KANK3: variants seen among roughly 807,000 people sequenced by gnomAD.
KANK3 encodes KN motif and ankyrin repeat domains 3, also known as KN motif and ankyrin repeat domain-containing protein 3.
A neutral mutation model predicts 65.4 loss-of-function variants in KANK3; 61 were observed. The ratio of observed to expected loss-of-function variants is 0.93; its 90% confidence interval spans 0.76 to 1.15. The LOEUF (loss-of-function observed/expected upper bound fraction) is 1.15, where lower values mean the gene tolerates loss of function less well. Ranked by LOEUF, KANK3 falls within the 50% of genes most tolerant of loss-of-function variation. The pLI, the probability that KANK3 is intolerant of heterozygous loss-of-function variation, is 0.00. For missense variants in KANK3, 1,187 were observed against 1,178.8 expected (o/e 1.01, Z -0.10); for synonymous variants, 586 against 543.3 (o/e 1.08, Z -1.09).
Position 8,324,958 on chromosome 19 carries a change from G to C in KANK3, c.2075C>G (p.Ala692Gly). 1 of 1,613,608 alleles carries C rather than the reference G, an allele frequency of 6.2e-7. No individual in the cohort carries two copies. Among genetic ancestry groups the C allele is most frequent in the South Asian group, 1.1e-5 (1 of 91,072 alleles). Residue 692 changes from alanine to glycine, a missense_variant, in exon 8 of 11, where the codon GCC (alanine) becomes GGC (glycine). Ala to Gly is a moderately conservative substitution (Grantham distance 60). Transcript: ENST00000330915. ...LFCMGDVNAK[A>G]SQTGQTALML... Reference sequence around the variant, plus strand: ...GTGGGGGCGCCCACGCACCTGACTGGCCTTGGCATTGACATCACCCATGCA... The same window carrying C: ...GTGGGGGCGCCCACGCACCTGACTGCCCTTGGCATTGACATCACCCATGCA...
At chr19:8,326,354 G>A (rs1488379280) in intron 7 of KANK3, among the ~76,000 whole-genome samples, 1 of 151,798 alleles carries the variant, frequency 6.6e-6, no homozygotes, top group Non-Finnish European at 1.5e-5. Flanking sequence ...ACTTGAACCT[G>A]GGAGCTGCAG....
chr19:8,337,838 A>G lies in KANK3; in HGVS notation c.-10T>C, dbSNP rs750219380. ...GGGCAAACTTGGCCATGTTTCCTGC[A>G]GCAGCTGTCAGAGGCACCCTGCAAA... On this transcript the variant is annotated 5_prime_UTR_variant, in exon 2 of 11. Transcript: ENST00000330915. 7.4e-6 allele frequency: 12 copies of G among 1,613,362 alleles called. No individual in the cohort carries two copies. The African/African-American group carries it at 1.6e-4, about 22-fold the overall frequency.
At position 8,333,018 on chromosome 19, in the gene KANK3, A is replaced by G; in HGVS notation, c.1932T>C (p.Asp644=). ...GNLAIASLLL[D]TGACEVNRQN... ...CCACCCTCCCTTGGCTCTGACCCGT[A>G]TCCAGGAGCAGGCTTGCGATGGCCA... is the stretch of plus-strand genomic sequence containing the variant. The change falls in exon 7 of 11, where the codon GAT becomes GAC. Residue 644 remains aspartate (D), a synonymous_variant. Transcript: ENST00000330915. This position sits in a 1 kb window ranked among gnomAD's most constrained non-coding sequence, Gnocchi z 5.0. 2.4e-6 allele frequency: 2 copies of G among 831,402 alleles called. No homozygotes were observed. The highest frequency in any genetic ancestry group is 3.5e-6 in the Non-Finnish European group (2 of 567,298). 51.5% of individuals were successfully genotyped at this position (831,402 alleles called of 1,614,324 possible).
In KANK3 at chr19:8,333,859, CAGG is replaced by C. The variant is rs761324837; in HGVS notation, c.1634+48_1634+50del. 10 of 1,549,706 alleles carry C rather than the reference CAGG, an allele frequency of 6.5e-6. No homozygotes were observed. The South Asian group carries it at 9.5e-5, about 15-fold the overall frequency. ...AGGATGGATCGGGGACAGCGCCGAC[CAGG>C]AGGAGGGCAGCCGCCTCCTCTCCAA... is the stretch of plus-strand genomic sequence containing the variant. On this transcript the variant is annotated intron_variant, in intron 5 of 10. Coordinates refer to ENST00000330915, the MANE Select transcript of KANK3 (RefSeq NM_198471.3). The surrounding 1 kb of genome is among the most constrained non-coding windows in gnomAD (Gnocchi z 5.0).
At chr19:8,332,987 TCCCA>T in intron 7 of KANK3, 23 bp downstream of exon 7, 3 of 395,188 alleles carry the variant, frequency 7.6e-6, no homozygotes, top group Non-Finnish European at 1.4e-5. Flanking sequence ...TTTCCTGGTG[TCCCA>T]CCCACCCTCC....
intron 2 of KANK3, among the ~76,000 whole-genome samples, chr19:8,337,289 C>T (rs1421377523): frequency 5.4e-5 from 8 of 148,450 alleles, no homozygotes; most frequent in African/African-American, 2.0e-4. Flanking sequence ...CTGCAAGCTC[C>T]GCCTCCCGGG....
rs902319075 is a variant in KANK3 at position 8,335,499 on chromosome 19, C to T, written c.328G>A (p.Ala110Thr). ...GGCTGCATCAGGAGCCCCGAGGGCG[C>T]GCCCTGGGAGAGTATGCCCGGTGCT... ...GGAPGILSQG[A>T]PSGLLMQPLS... Residue 110 changes from alanine (A) to threonine (T), a missense_variant, in exon 3 of 11, where the codon GCG becomes ACG. Transcript: ENST00000330915. 4 of 1,238,174 alleles carry T rather than the reference C, an allele frequency of 3.2e-6. No homozygotes were observed. In the East Asian group the frequency reaches 9.8e-5, roughly 30 times the overall value. The allele number at this position is 1,238,174 out of a possible 1,614,324, so 76.7% of individuals were successfully genotyped here.
intron 2 of KANK3, 68 bp downstream of exon 2, chr19:8,337,726 AC>A: frequency 1.3e-6 from 2 of 1,573,428 alleles, no homozygotes; most frequent in Non-Finnish European, 1.7e-6. Flanking sequence ...CTGCGTCCAC[AC>A]ACAAGGGCAT....
Position 8,324,681 on chromosome 19 carries a change from G to T in KANK3, c.2232C>A (p.Thr744=). The T allele has an allele frequency of 1.9e-6, 3 of 1,614,030 alleles. No homozygotes were observed. The South Asian group carries it at 3.3e-5, about 18-fold the overall frequency. The change falls in exon 9 of 11, where the codon ACC becomes ACA. Residue 744 remains threonine (T), a synonymous_variant. Coordinates refer to ENST00000330915, the MANE Select transcript of KANK3 (RefSeq NM_198471.3). ...MCASEYGRLD[T]VRLLLTQPGC... ...CTGGCTGGGTGAGCAGCAGCCGCAC[G>T]GTGTCCAGGCGCCCATACTCACTGG...
In KANK3 at chr19:8,322,678, G is replaced by C; in HGVS notation, c.*161C>G. On this transcript the variant is annotated 3_prime_UTR_variant, in exon 11 of 11. Coordinates refer to ENST00000330915, the MANE Select transcript of KANK3 (RefSeq NM_198471.3). ...CACCTCACCTTGGTGGGGCCAGAGTGAGCCCCTTCCTGCCACAGTCACCCC... is the reference window on the plus strand; with the variant it reads ...CACCTCACCTTGGTGGGGCCAGAGTCAGCCCCTTCCTGCCACAGTCACCCC... 2 of 615,006 alleles carry C rather than the reference G, an allele frequency of 3.3e-6. No homozygotes were observed. The highest frequency in any genetic ancestry group is 5.8e-6 in the Non-Finnish European group (2 of 347,304). 38.1% of individuals were successfully genotyped at this position (615,006 alleles called of 1,614,324 possible).
In KANK3 at chr19:8,334,816, G is replaced by A; in HGVS notation, c.1011C>T (p.Asp337=). The part of the protein sequence containing the change: ...VEAAPETVEA[D]AWVTEALLGL... ...CCAGCAGCGCCTCGGTCACCCACGC[G>A]TCCGCCTCCACGGTCTCGGGGGCAG... Residue 337 remains aspartate, a synonymous_variant, in exon 3 of 11, where the codon GAC becomes GAT. Transcript: ENST00000330915. The A allele has an allele frequency of 1.3e-6, 2 of 1,492,916 alleles. No individual in the cohort carries two copies. Among genetic ancestry groups the A allele is most frequent in the Middle Eastern group, 2.4e-4 (1 of 4,252 alleles). 92.5% of individuals were successfully genotyped at this position (1,492,916 alleles called of 1,614,324 possible).
intron 1 of KANK3, among the ~76,000 whole-genome samples, chr19:8,342,559 C>A (rs942707461): frequency 6.6e-6 from 1 of 152,136 alleles, no homozygotes; most frequent in African/African-American, 2.4e-5. Flanking sequence ...ATCACCAAAC[C>A]GGAGTGGTGG....
At chr19:8,336,113 G>T (rs1434001942) in intron 2 of KANK3, among the ~76,000 whole-genome samples, 1 of 152,214 alleles carries the variant, frequency 6.6e-6, no homozygotes, top group Non-Finnish European at 1.5e-5. Context: ...GGTTGCCAGG[G>T]AAGCTTTCCT....
Position 8,333,215 on chromosome 19 carries a change from C to A in KANK3, c.1735G>T (p.Val579Leu). 2 of 1,611,266 alleles carry A rather than the reference C, an allele frequency of 1.2e-6. No individual in the cohort carries two copies. Among genetic ancestry groups the A allele is most frequent in the Non-Finnish European group, 1.7e-6 (2 of 1,179,510 alleles). ...VASDGGAVRL[V>L]AQEWFRVSSQ... is the part of the protein sequence containing the mutation. Reference sequence around the variant, plus strand: ...GACACTCGAAACCACTCCTGGGCCACGAGGCGCACTGCGCCCTGCAAGGGA... The same window carrying A: ...GACACTCGAAACCACTCCTGGGCCAAGAGGCGCACTGCGCCCTGCAAGGGA... Residue 579 changes from valine (V) to leucine (L), a missense_variant, in exon 7 of 11, where the codon GTG becomes TTG. By Grantham distance (32) the Val-to-Leu change is conservative. Around this residue, in one of 3 missense-constraint regions of KANK3, gnomAD observed 1,078 missense variants for 1,038.2 expected, o/e 1.04. Transcript: ENST00000330915. The surrounding 1 kb of genome is among the most constrained non-coding windows in gnomAD (Gnocchi z 5.0).
At chr19:8,340,271 A>AAG (rs1284582955) in intron 1 of KANK3, among the ~76,000 whole-genome samples, 1 of 39,204 alleles carries the variant, frequency 2.6e-5, no homozygotes, top group African/African-American at 1.9e-4. Context: ...CAAAAAAAAA[A>AAG]AACCATATAT....
chr19:8,329,782 A>G (rs952396038), intron 7 of KANK3, among the ~76,000 whole-genome samples: 2 of 152,282 alleles, frequency 1.3e-5, no homozygotes, highest in African/African-American at 2.4e-5. Flanking sequence ...CTCACTGTCA[A>G]TCTTAGGCTT....
intron 7 of KANK3, among the ~76,000 whole-genome samples, chr19:8,327,504 G>A (rs1432772286): frequency 1.3e-5 from 2 of 152,108 alleles, no homozygotes; most frequent in East Asian, 1.9e-4. Flanking sequence ...GGTGGTGTGC[G>A]CCTGTAGTCC....
Position 8,333,036 on chromosome 19 carries a change from G to C in KANK3, c.1914C>G (p.Ile638Met), listed in dbSNP as rs371284725. ...HYSVSHGNLA[I>M]ASLLLDTGAC... ...GACCCGTATCCAGGAGCAGGCTTGC[G>C]ATGGCCAGGTTCCCGTGGGACACAC... The change falls in exon 7 of 11, where the codon ATC becomes ATG. Residue 638 changes from isoleucine (I) to methionine (M), a missense_variant. Ile to Met is a conservative substitution (Grantham distance 10, BLOSUM62 1). Transcript: ENST00000330915. The surrounding 1 kb of genome is among the most constrained non-coding windows in gnomAD (Gnocchi z 5.0). The C allele has an allele frequency of 1.3e-6, 2 of 1,589,892 alleles. No individual in the cohort carries two copies. The highest frequency in any genetic ancestry group is 1.7e-6 in the Non-Finnish European group (2 of 1,168,890).
intron 10 of KANK3, 94 bp from the exon 11 acceptor site, chr19:8,323,016 T>C: frequency 1.4e-6 from 1 of 699,398 alleles, no homozygotes. Flanking sequence ...GAGGTTCTTT[T>C]ACCATGGACC....
Sources: allele counts gnomAD v4.1 joint callset (sites outside exome capture counted in the v4.1 genomes callset), GRCh38; gene constraint gnomAD v4.1.1; regional missense constraint gnomAD v4.1.1; non-coding constraint Gnocchi (gnomAD v3.1); transcripts MANE v1.5; gene names NCBI Gene and HGNC (gene_info 2026-07-23, HGNC 2026-07-21).